NFIB: variants seen among roughly 807,000 people sequenced by gnomAD.
The protein encoded by NFIB is nuclear factor I B.
A neutral mutation model predicts 61.5 loss-of-function variants in NFIB; 11 were observed. The ratio of observed to expected loss-of-function variants is 0.18; its 90% CI spans 0.11 to 0.30. NFIB has a LOEUF of 0.30. NFIB is among the 10% of genes least tolerant of loss of function. The probability of loss-of-function intolerance (pLI) is 1.00; values close to 1 mark genes in which losing one functional copy is unlikely to be tolerated. For synonymous variants in NFIB, 260 were observed against 216.5 expected, an observed-to-expected ratio of 1.20 and a Z score of -1.76; for missense variants, 471 against 608.9, an observed-to-expected ratio of 0.77 and a Z score of 2.38.
At chr9:14,125,900 A>G in intron 6 of NFIB, 134 bp from the exon 7 acceptor site, 1 of 1,176,348 alleles carries the variant, frequency 8.5e-7, no homozygotes, top group Non-Finnish European at 1.2e-6. Context: ...ATATATTCTG[A>G]GTGTCAACGA....
intron 1 of NFIB, among the ~76,000 whole-genome samples, chr9:14,380,204 C>T (rs1209861538): frequency 6.6e-6 from 1 of 152,120 alleles, no homozygotes; most frequent in African/African-American, 2.4e-5. Context: ...CAAAAACTCC[C>T]TTTTACCAAG....
chr9:14,259,223 C>T (rs1397900292), intron 2 of NFIB, among the ~76,000 whole-genome samples: 1 of 152,058 alleles, frequency 6.6e-6, no homozygotes, highest in Admixed American at 6.6e-5. Context: ...AAAAAGAAGT[C>T]AATTGCTTGT....
intron 2 of NFIB, among the ~76,000 whole-genome samples, chr9:14,191,673 A>G (rs1390130433): frequency 6.6e-6 from 1 of 152,000 alleles, no homozygotes; most frequent in Non-Finnish European, 1.5e-5. Flanking sequence ...TCCCATCCAT[A>G]TGCCTTAACC....
chr9:14,343,208 A>T (rs1455434963), intron 1 of NFIB, among the ~76,000 whole-genome samples: 1 of 152,166 alleles, frequency 6.6e-6, no homozygotes, highest in Non-Finnish European at 1.5e-5. Context: ...CTGTAAGTCA[A>T]CCATCCTTGG....
chr9:14,415,947 C>G, the NFIB span, among the ~76,000 whole-genome samples: 4 of 152,308 alleles, frequency 2.6e-5, no homozygotes, highest in African/African-American at 9.6e-5. Context: ...GGAGATAACT[C>G]TAGTCTCCTT....
At chr9:14,270,571 T>C (rs2057517904) in intron 2 of NFIB, among the ~76,000 whole-genome samples, 1 of 49,034 alleles carries the variant, frequency 2.0e-5, no homozygotes, top group Non-Finnish European at 3.7e-5. Flanking sequence ...CTAAAAAGCC[T>C]TAGATCACAA....
At chr9:14,405,881 T>C in the NFIB span, among the ~76,000 whole-genome samples, 1 of 152,172 alleles carries the variant, frequency 6.6e-6, no homozygotes, top group Non-Finnish European at 1.5e-5. Context: ...GCCTAAGAAC[T>C]ATGACTAGGG....
At chr9:14,170,957 C>A (rs1587276814) in intron 3 of NFIB, among the ~76,000 whole-genome samples, 1 of 152,258 alleles carries the variant, frequency 6.6e-6, no homozygotes, top group East Asian at 1.9e-4. Context: ...TTCTATGTTA[C>A]CTTATGACAC....
At chr9:14,383,652 G>C (rs1411237225) in intron 1 of NFIB, among the ~76,000 whole-genome samples, 1 of 152,214 alleles carries the variant, frequency 6.6e-6, no homozygotes, top group African/African-American at 2.4e-5. Flanking sequence ...TTTAAGACCA[G>C]AGTTTCTGCA....
intron 6 of NFIB, among the ~76,000 whole-genome samples, chr9:14,141,825 C>T (rs183249955): frequency 1.4e-5 from 2 of 146,462 alleles, no homozygotes; most frequent in East Asian, 4.1e-4. Context: ...CAGCTGAGGG[C>T]AACCCGCTGG....
chr9:14,306,334 C>A, intron 2 of NFIB, among the ~76,000 whole-genome samples: 1 of 152,088 alleles, frequency 6.6e-6, no homozygotes. Flanking sequence ...TGGGAACATA[C>A]TATAAATAAT....
intron 2 of NFIB, among the ~76,000 whole-genome samples, chr9:14,223,370 C>T (rs2051952829): frequency 1.3e-5 from 2 of 152,188 alleles, no homozygotes. Flanking sequence ...ACTCATGATA[C>T]TAATAACTTC....
rs920465178 is a variant in NFIB at position 14,201,442 on chromosome 9, A to T, written c.563-21662T>A. Reference sequence around the variant, plus strand: ...CAACTGCAGGTCTGTGCCCTTGCTCATAAGGTTTCTATGCCTGGAATATCC... The same window carrying T: ...CAACTGCAGGTCTGTGCCCTTGCTCTTAAGGTTTCTATGCCTGGAATATCC... On this transcript the variant is annotated intron_variant, in intron 2 of 10. Transcript: ENST00000380953. 2.0e-5 allele frequency among the ~76,000 whole-genome samples: 3 copies of T among 152,324 alleles called. No individual in the cohort carries two copies. In the East Asian group the frequency reaches 5.8e-4, roughly 29 times the overall value.
At chr9:14,522,349 T>C in the NFIB span, among the ~76,000 whole-genome samples, 2 of 152,338 alleles carry the variant, frequency 1.3e-5, no homozygotes, top group East Asian at 3.9e-4. Context: ...GTTTGTATTA[T>C]GTGGGGTACC....
intron 2 of NFIB, among the ~76,000 whole-genome samples, chr9:14,236,070 T>G (rs985698869): frequency 1.3e-5 from 2 of 152,186 alleles, no homozygotes; most frequent in Non-Finnish European, 2.9e-5. Flanking sequence ...ATAGCATTGA[T>G]CATAACACAA....
At chr9:14,420,897 T>A in the NFIB span, among the ~76,000 whole-genome samples, 1 of 152,184 alleles carries the variant, frequency 6.6e-6, no homozygotes, top group Non-Finnish European at 1.5e-5. Context: ...ATGCTTCCAC[T>A]AATTATATAA....
chr9:14,493,979 G>A, the NFIB span, among the ~76,000 whole-genome samples: 5 of 152,132 alleles, frequency 3.3e-5, no homozygotes, highest in South Asian at 6.2e-4. Context: ...TCAATTAAAG[G>A]CACCATCCCT....
At chr9:14,107,587 C>T (rs2036754792) in intron 10 of NFIB, among the ~76,000 whole-genome samples, 1 of 152,040 alleles carries the variant, frequency 6.6e-6, no homozygotes, top group African/African-American at 2.4e-5. Context: ...GACTTTGGAG[C>T]TTATGTAGTT....
chr9:14,516,953 T>TAA, the NFIB span, among the ~76,000 whole-genome samples: 1 of 152,306 alleles, frequency 6.6e-6, no homozygotes, highest in South Asian at 2.1e-4. Context: ...CAAAACATGA[T>TAA]AGAGTAGAAA....
Sources: allele counts gnomAD v4.1 joint callset (sites outside exome capture counted in the v4.1 genomes callset), GRCh38; gene constraint gnomAD v4.1.1; transcripts MANE v1.5; gene names NCBI Gene and HGNC (gene_info 2026-07-23, HGNC 2026-07-21).